Variants in SH3RF1 observed in about 807,000 individuals in gnomAD.
SH3RF1 encodes SH3 domain containing ring finger 1.
SH3RF1 carries 32 observed loss-of-function variants against 74.0 expected under a neutral mutation model. The observed-to-expected ratio is 0.43, with a 90% CI of 0.33 to 0.58. The LOEUF is 0.58. SH3RF1 is among the 20% of genes least tolerant of loss of function. The pLI is 0.05. For missense variants in SH3RF1, 954 were observed against 1,130.9 expected (o/e 0.84, Z 2.24); for synonymous variants, 396 against 439.6 (o/e 0.90, Z 1.24).
chr4:169,232,176 A>C (rs1326338297), intron 2 of SH3RF1, among the ~76,000 whole-genome samples: 1 of 152,202 alleles, frequency 6.6e-6, no homozygotes, highest in African/African-American at 2.4e-5. Context: ...GCAAGAAAGG[A>C]TATCAGACCC....
Position 169,100,434 on chromosome 4 carries a change from T to G in SH3RF1, c.2499-3747A>C, listed in dbSNP as rs566261697. Reference sequence around the variant, plus strand: ...TCAGCTCACCACAAACTCCGCCTCCTGGGTTCAAGCAATTTTCCTGCCTCA... The same window carrying G: ...TCAGCTCACCACAAACTCCGCCTCCGGGGTTCAAGCAATTTTCCTGCCTCA... On this transcript the variant is annotated intron_variant, in intron 11 of 11. Transcript: ENST00000284637. 2.6e-5 allele frequency among the ~76,000 whole-genome samples: 4 copies of G among 152,238 alleles called. No homozygotes were observed. The South Asian group carries it at 8.3e-4, about 32-fold the overall frequency.
chr4:169,200,629 C>T (rs930431254), intron 2 of SH3RF1, among the ~76,000 whole-genome samples: 1 of 152,132 alleles, frequency 6.6e-6, no homozygotes, highest in African/African-American at 2.4e-5. Flanking sequence ...TCATATGTAT[C>T]ATATGTATTA....
At chr4:169,118,472 T>A (rs557451548) in intron 8 of SH3RF1, among the ~76,000 whole-genome samples, 58 of 152,064 alleles carry the variant, frequency 3.8e-4, no homozygotes, top group African/African-American at 1.3e-3. Flanking sequence ...AGTAGTAGTA[T>A]TTTTTTTGAG....
chr4:169,232,795 T>C (rs192650152), intron 2 of SH3RF1, among the ~76,000 whole-genome samples: 2 of 152,270 alleles, frequency 1.3e-5, no homozygotes, highest in East Asian at 1.9e-4. Context: ...TCTTCAGTGA[T>C]ACACTTCAAA....
chr4:169,171,726 G>A (rs1001776136), intron 2 of SH3RF1, among the ~76,000 whole-genome samples: 2 of 152,134 alleles, frequency 1.3e-5, no homozygotes, highest in African/African-American at 4.8e-5. Flanking sequence ...AATTATGCAA[G>A]GAAGTATCTC....
At chr4:169,226,089 T>C (rs1170207009) in intron 2 of SH3RF1, among the ~76,000 whole-genome samples, 1 of 152,206 alleles carries the variant, frequency 6.6e-6, no homozygotes, top group African/African-American at 2.4e-5. Context: ...AATGCCATTA[T>C]TCTACTTAAT....
intron 4 of SH3RF1, among the ~76,000 whole-genome samples, chr4:169,141,992 AT>A (rs1347009169): frequency 6.6e-6 from 1 of 151,490 alleles, no homozygotes; most frequent in Non-Finnish European, 1.5e-5. Context: ...TTGTTTTTGT[AT>A]TTTTTTAGTA....
At chr4:169,254,329 T>G (rs1311774276) in intron 2 of SH3RF1, among the ~76,000 whole-genome samples, 2 of 152,190 alleles carry the variant, frequency 1.3e-5, no homozygotes, top group African/African-American at 4.8e-5. Context: ...TATAACTTGG[T>G]ACAGGAGACA....
At chr4:169,136,945 G>A (rs960026367) in intron 4 of SH3RF1, among the ~76,000 whole-genome samples, 3 of 152,184 alleles carry the variant, frequency 2.0e-5, no homozygotes, top group Admixed American at 6.5e-5. Context: ...AGCTCACTGT[G>A]AAATTTCGAG....
chr4:169,214,803 G>T, intron 2 of SH3RF1, among the ~76,000 whole-genome samples: 1 of 152,018 alleles, frequency 6.6e-6, no homozygotes, highest in East Asian at 1.9e-4. Flanking sequence ...TATTAACCTT[G>T]TATCCTTCAA....
chr4:169,152,168 G>A (rs542414475), intron 4 of SH3RF1, among the ~76,000 whole-genome samples: 7 of 152,252 alleles, frequency 4.6e-5, no homozygotes, highest in Non-Finnish European at 8.8e-5. Context: ...CACAAGTGAA[G>A]AAAGGGCCTG....
intron 2 of SH3RF1, among the ~76,000 whole-genome samples, chr4:169,177,361 C>A (rs1252002482): frequency 6.6e-6 from 1 of 152,128 alleles, no homozygotes; most frequent in Admixed American, 6.6e-5. Context: ...TTTATAATCA[C>A]CCACTTGTAC....
At chr4:169,194,178 T>C (rs2706741) in intron 2 of SH3RF1, among the ~76,000 whole-genome samples, 71,326 of 152,006 alleles carry the variant, frequency 0.47, 18,015 homozygotes, top group East Asian at 0.78. Context: ...AGTACTAAAA[T>C]TGCATGAGTG....
intron 2 of SH3RF1, among the ~76,000 whole-genome samples, chr4:169,186,167 G>A (rs977569236): frequency 2.0e-5 from 3 of 152,108 alleles, no homozygotes; most frequent in Admixed American, 6.5e-5. Context: ...CAGCAAGAGC[G>A]ATGACTGCCC....
In SH3RF1 at chr4:169,241,863, C is replaced by T. The variant is rs929659018; in HGVS notation, c.393+26957G>A. Among the ~76,000 whole-genome samples the T allele has an allele frequency of 3.3e-5, 5 of 152,222 alleles. No individual in the cohort carries two copies. The South Asian group carries it at 1.0e-3, about 32-fold the overall frequency. On this transcript the variant is annotated intron_variant, in intron 2 of 11. Coordinates refer to ENST00000284637, the MANE Select transcript of SH3RF1 (RefSeq NM_020870.4). ...CTTGAGATTTCCCTCTTCTCTGGCC[C>T]TTATGGCTGGAGGCCCTAAGTCTGT...
chr4:169,233,925 C>G lies in SH3RF1; in HGVS notation c.393+34895G>C, dbSNP rs1730784172. On this transcript the variant is annotated intron_variant, in intron 2 of 11. Transcript: ENST00000284637. ...AGAGCAGCTATAAACCATTTTCTGTCCCTGTTAGTTACCATCTGCTTCCCC... is the reference window on the plus strand; with the variant it reads ...AGAGCAGCTATAAACCATTTTCTGTGCCTGTTAGTTACCATCTGCTTCCCC... 3.9e-5 allele frequency among the ~76,000 whole-genome samples: 6 copies of G among 152,286 alleles called. No individual in the cohort carries two copies. In the South Asian group the frequency reaches 1.2e-3, roughly 32 times the overall value.
intron 2 of SH3RF1, among the ~76,000 whole-genome samples, chr4:169,177,077 C>T (rs56179264): frequency 0.071 from 10,819 of 152,112 alleles, 1,274 homozygotes; most frequent in African/African-American, 0.25. Flanking sequence ...AGCCACCTCC[C>T]CCAGCCTACA....
Position 169,140,625 on chromosome 4 carries a change from C to T in SH3RF1, c.766-4005G>A, listed in dbSNP as rs77407814. Among the ~76,000 whole-genome samples the T allele has an allele frequency of 7.2e-3, 1,100 of 151,912 alleles. 18 individuals are homozygous for T. Among genetic ancestry groups the T allele is most frequent in the African/African-American group, 0.026 (1,058 of 41,294 alleles). ...CTGACAAAAATAATATTAATAAAAA[C>T]AACAAGGCAGCTTAAGAAATATTAA... On this transcript the variant is annotated intron_variant, in intron 4 of 11. Coordinates refer to ENST00000284637, the MANE Select transcript of SH3RF1 (RefSeq NM_020870.4).
chr4:169,137,836 T>C (rs1733723550), intron 4 of SH3RF1, among the ~76,000 whole-genome samples: 1 of 152,194 alleles, frequency 6.6e-6, no homozygotes, highest in Non-Finnish European at 1.5e-5. Flanking sequence ...TGATTGCAAA[T>C]TGACTGACAA....
Sources: allele counts gnomAD v4.1 joint callset (sites outside exome capture counted in the v4.1 genomes callset), GRCh38; gene constraint gnomAD v4.1.1; transcripts MANE v1.5; gene names NCBI Gene and HGNC (gene_info 2026-07-23, HGNC 2026-07-21).